Variants in MYO18B observed in about 807,000 individuals in gnomAD.
The protein encoded by MYO18B is myosin XVIIIB, also known as unconventional myosin-XVIIIb.
Under a neutral mutation model 273.0 loss-of-function variants are expected in MYO18B, and 204 were observed. That is an observed-to-expected ratio of 0.75 (90% CI 0.67 to 0.84). MYO18B has a LOEUF of 0.84. Among genes scored for constraint, MYO18B ranks in the 40% least tolerant of loss-of-function variants. MYO18B has a pLI of 0.00. For missense variants in MYO18B, 3,212 were observed against 3,287.6 expected (o/e 0.98, Z 0.56); for synonymous variants, 1,330 against 1,305.7 (o/e 1.02, Z -0.40).
intron 27 of MYO18B, chr22:25,892,222 T>C (rs954231753): frequency 7.2e-5 from 11 of 152,216 alleles, no homozygotes; most frequent in African/African-American, 2.7e-4. Context: ...TAATAGCTAC[T>C]TTACCATTAT....
Position 25,768,654 on chromosome 22 carries a change from G to A in MYO18B, c.738G>A (p.Gly246=). 6.5e-7 allele frequency: 1 copy of A among 1,532,312 alleles called. No homozygotes were observed. Among genetic ancestry groups the A allele is most frequent in the Non-Finnish European group, 8.7e-7 (1 of 1,144,826 alleles). The allele number at this position is 1,532,312 out of a possible 1,614,324, so 94.9% of individuals were successfully genotyped here. A position where few individuals can be genotyped will look rare whatever the true frequency, so the allele number is the denominator to read the frequency against. The change falls in exon 4 of 44, where the codon GGG becomes GGA. Residue 246 remains glycine, a synonymous_variant. Transcript: ENST00000335473. Reference sequence around the variant, plus strand: ...AAAGCATAGTGGGGAAGGGGCTTGGGACCCCCAAGACCACAGAGCTGAAAG... The same window carrying A: ...AAAGCATAGTGGGGAAGGGGCTTGGAACCCCCAAGACCACAGAGCTGAAAG... ...EGQSIVGKGL[G]TPKTTELKEA...
chr22:25,793,070 G>C (rs1268703178), intron 11 of MYO18B, among the ~76,000 whole-genome samples: 1 of 152,180 alleles, frequency 6.6e-6, no homozygotes, highest in East Asian at 1.9e-4. Flanking sequence ...CTGGAAGGTG[G>C]AACAGCCTGG....
intron 12 of MYO18B, among the ~76,000 whole-genome samples, chr22:25,819,818 G>A (rs2089196474): frequency 6.6e-6 from 1 of 151,790 alleles, no homozygotes; most frequent in Admixed American, 6.6e-5. Context: ...CTGTTTTCTG[G>A]TGACTTCTCT....
At chr22:25,923,811 C>A (rs2092382763) in intron 34 of MYO18B, among the ~76,000 whole-genome samples, 1 of 152,178 alleles carries the variant, frequency 6.6e-6, no homozygotes, top group South Asian at 2.1e-4. Flanking sequence ...ACCCAAGCTT[C>A]CCTTCCCCCA....
chr22:25,790,162 C>A (rs3859873), intron 11 of MYO18B, among the ~76,000 whole-genome samples: 147,910 of 152,260 alleles, frequency 0.97, 71,928 homozygotes, highest in Non-Finnish European at 0.99. Context: ...CAAAAAAAAA[C>A]AACAAACTTT....
At chr22:25,873,401 A>G (rs773472287) in intron 22 of MYO18B, among the ~76,000 whole-genome samples, 1 of 151,610 alleles carries the variant, frequency 6.6e-6, no homozygotes, top group Non-Finnish European at 1.5e-5. Context: ...CCCTTCCCCC[A>G]CTGTCTCTGC....
At chr22:25,913,775 C>T (rs1037479080) in intron 33 of MYO18B, among the ~76,000 whole-genome samples, 13 of 152,274 alleles carry the variant, frequency 8.5e-5, no homozygotes, top group African/African-American at 2.2e-4. Flanking sequence ...TTTTTGGTTA[C>T]GTATTTTGCA....
intron 22 of MYO18B, among the ~76,000 whole-genome samples, chr22:25,873,514 C>T (rs886785338): frequency 7.2e-5 from 11 of 152,202 alleles, no homozygotes; most frequent in Admixed American, 6.5e-5. Flanking sequence ...TATCTTGGCT[C>T]ACCACAACTT....
At chr22:25,927,124 G>A (rs1354975176) in intron 34 of MYO18B, among the ~76,000 whole-genome samples, 1 of 152,148 alleles carries the variant, frequency 6.6e-6, no homozygotes, top group Non-Finnish European at 1.5e-5. Context: ...TACAGCATGT[G>A]TGCTTGAGCA....
At chr22:25,856,977 T>A (rs695538) in intron 21 of MYO18B, among the ~76,000 whole-genome samples, 121,138 of 152,006 alleles carry the variant, frequency 0.8, 48,582 homozygotes, top group East Asian at 1. Context: ...CAGTGTCCTC[T>A]TGCTGACCTC....
At chr22:25,913,438 A>G (rs1415484206) in intron 33 of MYO18B, among the ~76,000 whole-genome samples, 2 of 152,058 alleles carry the variant, frequency 1.3e-5, no homozygotes, top group Non-Finnish European at 2.9e-5. Context: ...ATCTGGGCTC[A>G]CTGCAAGCTC....
chr22:25,900,696 A>AACC (rs1256928370), intron 29 of MYO18B: 1 of 152,356 alleles, frequency 6.6e-6, no homozygotes, highest in Admixed American at 6.5e-5. Flanking sequence ...GCCTCAGGCA[A>AACC]TTGGCTGGTC....
At chr22:25,844,254 T>A (rs565645445) in intron 18 of MYO18B, among the ~76,000 whole-genome samples, 1 of 152,298 alleles carries the variant, frequency 6.6e-6, no homozygotes, top group South Asian at 2.1e-4. Flanking sequence ...AATGATACGT[T>A]TTGTAGCGTT....
In MYO18B at chr22:25,784,741, C is replaced by T. The variant is rs541295663; in HGVS notation, c.2313-687C>T. Among the ~76,000 whole-genome samples, 27 of 152,306 alleles carry T rather than the reference C, an allele frequency of 1.8e-4. 1 individual carries two copies. The highest frequency in any genetic ancestry group is 7.4e-5 in the Non-Finnish European group (5 of 68,018). ...GCAGGGGGCATAGCTGTGCCCACCC[C>T]GCCTTTGGCTTGCATTCCTCAAGCC... On this transcript the variant is annotated intron_variant, in intron 10 of 43. Transcript: ENST00000335473.
At chr22:25,750,419 G>A (rs553963914) in intron 1 of MYO18B, among the ~76,000 whole-genome samples, 1 of 152,304 alleles carries the variant, frequency 6.6e-6, no homozygotes, top group South Asian at 2.1e-4. Flanking sequence ...AAGAGATGGA[G>A]GGGGAATCTG....
At position 26,023,494 on chromosome 22, in the gene MYO18B, T is replaced by TCCTCTTCCTCCTCC. The variant is rs1237319334; in HGVS notation, c.6471-2950_6471-2949insCTCTTCCTCCTCCC. Among the ~76,000 whole-genome samples, 1,461 of 150,070 alleles carry TCCTCTTCCTCCTCC rather than the reference T, an allele frequency of 9.7e-3. 31 individuals are homozygous for TCCTCTTCCTCCTCC. The highest frequency in any genetic ancestry group is 0.034 in the African/African-American group (1,384 of 40,618). On this transcript the variant is annotated intron_variant, in intron 42 of 43. Transcript: ENST00000335473. ...TCCTCCTCCCTCCTCCTCCTCCTCC[T>TCCTCTTCCTCCTCC]CTACCTCCTCCCTCCTCCTCCCTCC...
intron 31 of MYO18B, among the ~76,000 whole-genome samples, chr22:25,906,518 A>G (rs2092047579): frequency 6.6e-6 from 1 of 152,182 alleles, no homozygotes; most frequent in African/African-American, 2.4e-5. Context: ...TTTTCTGTCC[A>G]TGTTGGGGAC....
the MYO18B span, among the ~76,000 whole-genome samples, chr22:26,051,032 A>G: frequency 1.8e-3 from 275 of 152,312 alleles, no homozygotes; most frequent in Middle Eastern, 3.4e-3. Context: ...CAAGGTTGGG[A>G]GACAGGTCAC....
intron 39 of MYO18B, chr22:25,983,385 T>A (rs1021093083): frequency 2.0e-5 from 3 of 151,872 alleles, no homozygotes; most frequent in East Asian, 3.9e-4. Context: ...TAAAAAAAAA[T>A]TCATAATTCT....
Sources: gnomAD v4.1 joint callset for allele counts (sites outside exome capture counted in the v4.1 genomes callset) on GRCh38, gnomAD v4.1.1 for gene constraint, MANE v1.5 for transcripts, NCBI Gene and HGNC (gene_info 2026-07-23, HGNC 2026-07-21) for gene names.